Variants in CHAT observed in about 807,000 individuals in gnomAD.
The protein encoded by CHAT is acetyl CoA:choline O-acetyltransferase.
Under a neutral mutation model 76.9 loss-of-function variants are expected in CHAT, and 61 were observed. The observed-to-expected ratio is 0.79, with a 90% CI of 0.65 to 0.98. The LOEUF is 0.98. CHAT is among the 50% of genes least tolerant of loss of function. The probability of loss-of-function intolerance (pLI) is 0.00; values close to 1 mark genes in which losing one functional copy is unlikely to be tolerated. For missense variants in CHAT, 946 were observed against 986.9 expected (o/e 0.96, Z 0.56); for synonymous variants, 407 against 397.4 (o/e 1.02, Z -0.29).
chr10:49,665,234 AATC>A lies in CHAT; in HGVS notation c.*194_*196del. On this transcript the variant is annotated 3_prime_UTR_variant, in exon 15 of 15. Coordinates refer to ENST00000337653, the MANE Select transcript of CHAT (RefSeq NM_020549.5). Reference sequence around the variant, plus strand: ...AAAGGGTCCCCTCTTCATGCATGGGAATCATCATTTTCAAGGTGGCTTTGGGCC... The same window carrying A: ...AAAGGGTCCCCTCTTCATGCATGGGAATCATTTTCAAGGTGGCTTTGGGCC... 1 of 690,932 alleles carries A rather than the reference AATC, an allele frequency of 1.4e-6. No individual in the cohort carries two copies. Among genetic ancestry groups the A allele is most frequent in the Non-Finnish European group, 2.5e-6 (1 of 401,718 alleles). The allele number at this position is 690,932 out of a possible 1,614,324, so 42.8% of individuals were successfully genotyped here.
rs1840331131 is a variant in CHAT, at chr10:49,665,905, T to C, written c.*859T>C. The stretch of plus-strand genomic sequence containing the variant: ...CCCGGGGTCCTGCCATTTGCATTTT[T>C]TCTGCATCTTTTCCCCTCTCCTCCC... On this transcript the variant is annotated 3_prime_UTR_variant, in exon 15 of 15. Coordinates refer to ENST00000337653, the MANE Select transcript of CHAT (RefSeq NM_020549.5). 6.6e-6 allele frequency among the ~76,000 whole-genome samples: 1 copy of C among 152,198 alleles called. No homozygotes were observed. Among genetic ancestry groups the C allele is most frequent in the African/African-American group, 2.4e-5 (1 of 41,432 alleles).
chr10:49,619,983 C>A, intron 3 of CHAT, 67 bp downstream of exon 3: 1 of 1,493,548 alleles, frequency 6.7e-7, no homozygotes, highest in Non-Finnish European at 9.1e-7. Context: ...AGAGGGATCT[C>A]GGTGAGAGGC....
chr10:49,633,336 C>T, intron 7 of CHAT, among the ~76,000 whole-genome samples: 1 of 152,214 alleles, frequency 6.6e-6, no homozygotes, highest in Middle Eastern at 3.2e-3. Context: ...GCAGAGCATC[C>T]AGGTCCCCCT....
chr10:49,646,741 G>A (rs929724030), intron 8 of CHAT, 67 bp downstream of exon 8: 218 of 1,563,042 alleles, frequency 1.4e-4, no homozygotes, highest in Non-Finnish European at 1.6e-4. Flanking sequence ...GTAGGCAAGC[G>A]GGCACAGCCT....
chr10:49,647,740 TTTCCTTCCTTCCTTCC>T (rs146751288), intron 8 of CHAT, among the ~76,000 whole-genome samples: 10,072 of 140,256 alleles, frequency 0.072, 499 homozygotes, highest in Middle Eastern at 0.12. Flanking sequence ...AAGACACCGC[TTTCCTTCCTTCCTTCC>T]TTCCTTCCTT....
intron 7 of CHAT, among the ~76,000 whole-genome samples, chr10:49,644,221 A>G (rs1325605632): frequency 6.6e-6 from 1 of 152,120 alleles, no homozygotes; most frequent in East Asian, 1.9e-4. Context: ...CTGCGTGATG[A>G]TGAGGAGATG....
At chr10:49,633,559 G>A (rs1489305112) in intron 7 of CHAT, among the ~76,000 whole-genome samples, 3 of 152,194 alleles carry the variant, frequency 2.0e-5, no homozygotes, top group Admixed American at 6.5e-5. Context: ...CAGGCTTGGG[G>A]CCTCAGAGGG....
At position 49,627,087 on chromosome 10, in the gene CHAT, C is replaced by T. The variant is rs539578185; in HGVS notation, c.934-521C>T. On this transcript the variant is annotated intron_variant, in intron 6 of 14. Coordinates refer to ENST00000337653, the MANE Select transcript of CHAT (RefSeq NM_020549.5). ...TCTTTTCAATGGCTGGGTAGACATGCCCTAGACATATACACCACATTTCAC... is the reference window on the plus strand; with the variant it reads ...TCTTTTCAATGGCTGGGTAGACATGTCCTAGACATATACACCACATTTCAC... Among the ~76,000 whole-genome samples, 46 of 152,346 alleles carry T rather than the reference C, an allele frequency of 3.0e-4. No homozygotes were observed. The South Asian group carries it at 8.5e-3, about 28-fold the overall frequency.
At chr10:49,609,842 C>T (rs1838241754), upstream of CHAT, among the ~76,000 whole-genome samples, 1 of 152,194 alleles carries the variant, frequency 6.6e-6, no homozygotes, top group South Asian at 2.1e-4. Context: ...AACAGATGGA[C>T]GCAGCGGCGG....
chr10:49,654,123 C>T (rs1411205452), intron 11 of CHAT, among the ~76,000 whole-genome samples: 1 of 152,218 alleles, frequency 6.6e-6, no homozygotes, highest in African/African-American at 2.4e-5. Context: ...CAATGACTGG[C>T]CAGTGATGGT....
At chr10:49,627,471 T>G in intron 6 of CHAT, 137 bp from the exon 7 acceptor site, 1 of 901,588 alleles carries the variant, frequency 1.1e-6, no homozygotes, top group East Asian at 2.4e-5. Flanking sequence ...GTCCCTAAAC[T>G]GAGACTAGAA....
At chr10:49,610,496 G>T, upstream of CHAT, 1 of 405,320 alleles carries the variant, frequency 2.5e-6, no homozygotes, top group Non-Finnish European at 4.3e-6. Context: ...CCGACTTCCC[G>T]GCCGCCCCTG....
At chr10:49,612,205 C>G, upstream of CHAT, 2 of 1,609,086 alleles carry the variant, frequency 1.2e-6, no homozygotes, top group Non-Finnish European at 1.7e-6. Context: ...GCTTGATGAG[C>G]CACCGCAAGG....
intron 4 of CHAT, among the ~76,000 whole-genome samples, chr10:49,620,976 GA>G (rs573616295): frequency 2.8e-4 from 43 of 152,332 alleles, no homozygotes; most frequent in Non-Finnish European, 6.0e-4. Context: ...GGCTGTCTGA[GA>G]GGGCCTCTGC....
At chr10:49,612,167 C>A (rs749377684), upstream of CHAT, 6 of 1,610,768 alleles carry the variant, frequency 3.7e-6, no homozygotes, top group Non-Finnish European at 3.4e-6. Context: ...GGCCTCCTGA[C>A]GCGCTCCCGT....
chr10:49,632,643 A>C (rs2132751768), intron 7 of CHAT, among the ~76,000 whole-genome samples: 1 of 152,174 alleles, frequency 6.6e-6, no homozygotes, highest in Non-Finnish European at 1.5e-5. Flanking sequence ...ACTTCCCCGG[A>C]TTCTCATGTG....
upstream of CHAT, chr10:49,610,468 C>G: frequency 2.6e-6 from 1 of 391,158 alleles, no homozygotes. Flanking sequence ...AGTCTCCGGC[C>G]CCGGCCCCTC....
At chr10:49,642,085 C>T (rs1398873904) in intron 7 of CHAT, among the ~76,000 whole-genome samples, 4 of 152,168 alleles carry the variant, frequency 2.6e-5, no homozygotes, top group Non-Finnish European at 4.4e-5. Flanking sequence ...GCAGGCTCCT[C>T]CTATTACTCA....
At chr10:49,635,451 T>C (rs1839264302) in intron 7 of CHAT, among the ~76,000 whole-genome samples, 1 of 152,210 alleles carries the variant, frequency 6.6e-6, no homozygotes, top group Admixed American at 6.5e-5. Context: ...TGCCCAGGAA[T>C]GAAATTTCTA....
Sources: allele counts gnomAD v4.1 joint callset (sites outside exome capture counted in the v4.1 genomes callset), GRCh38; gene constraint gnomAD v4.1.1; transcripts MANE v1.5; gene names NCBI Gene and HGNC (gene_info 2026-07-23, HGNC 2026-07-21).